ACOT7: variants seen among roughly 807,000 people sequenced by gnomAD.
ACOT7 encodes acyl-CoA thioesterase 7, also known as cytosolic acyl coenzyme A thioester hydrolase.
Under a neutral mutation model 40.2 loss-of-function variants are expected in ACOT7, and 12 were observed. That is an observed-to-expected ratio of 0.30 (90% CI 0.19 to 0.48). ACOT7 has a LOEUF of 0.48. ACOT7 is among the 20% of genes least tolerant of loss of function. The pLI is 0.99. For synonymous variants in ACOT7, 228 were observed against 219.5 expected (o/e 1.04, Z -0.34); for missense variants, 395 against 530.8 (o/e 0.74, Z 2.51).
intron 1 of ACOT7, among the ~76,000 whole-genome samples, chr1:6,363,371 C>G (rs546081700): frequency 1.1e-4 from 17 of 152,044 alleles, no homozygotes; most frequent in Non-Finnish European, 2.2e-4. Flanking sequence ...CCCTTTCCCC[C>G]GGGGAGTTTA....
chr1:6,313,509 A>G (rs1321315356), intron 6 of ACOT7, among the ~76,000 whole-genome samples: 1 of 152,204 alleles, frequency 6.6e-6, no homozygotes, highest in African/African-American at 2.4e-5. Context: ...TCTAGGCCCC[A>G]TGACAGAGAC....
chr1:6,375,075 A>G (rs1476250224), intron 1 of ACOT7, among the ~76,000 whole-genome samples: 2 of 151,388 alleles, frequency 1.3e-5, no homozygotes, highest in African/African-American at 4.9e-5. Flanking sequence ...CAGGAGATAG[A>G]GACCATCCTG....
chr1:6,303,897 T>C (rs978933685), intron 6 of ACOT7, among the ~76,000 whole-genome samples: 9 of 152,116 alleles, frequency 5.9e-5, no homozygotes, highest in Non-Finnish European at 1.0e-4. Flanking sequence ...TTACATTCTA[T>C]AGAGTCTGAA....
Position 6,330,240 on chromosome 1 carries a change from A to T in ACOT7, c.511-2827T>A, listed in dbSNP as rs1425864917. On this transcript the variant is annotated intron_variant, in intron 4 of 8. Coordinates refer to ENST00000361521, the MANE Select transcript of ACOT7 (RefSeq NM_007274.4). The surrounding 1 kb of genome is among the most constrained non-coding windows in gnomAD (Gnocchi z 4.6). Reference sequence around the variant, plus strand: ...GTCAGCGGGAGCATGCTCATGCAATATAAGACAGCCCTGTGGCCAGGCCAC... The same window carrying T: ...GTCAGCGGGAGCATGCTCATGCAATTTAAGACAGCCCTGTGGCCAGGCCAC... 6.6e-6 allele frequency among the ~76,000 whole-genome samples: 1 copy of T among 152,240 alleles called. No individual in the cohort carries two copies. Among genetic ancestry groups the T allele is most frequent in the East Asian group, 1.9e-4 (1 of 5,196 alleles).
chr1:6,318,529 C>T lies in ACOT7; in HGVS notation c.675G>A (p.Gly225=), dbSNP rs777603203. The T allele has an allele frequency of 5.0e-6, 8 of 1,614,162 alleles. No individual in the cohort carries two copies. In the South Asian group the frequency reaches 7.7e-5, roughly 16 times the overall value. The change falls in exon 6 of 9, where the codon GGG becomes GGA. Residue 225 remains glycine, a synonymous_variant. Coordinates refer to ENST00000361521, the MANE Select transcript of ACOT7 (RefSeq NM_007274.4). ...YSQSSLIHLV[G]PSDCTLHGFV... Reference sequence around the variant, plus strand: ...AGCCGTGCAGGGTGCAGTCTGAAGGCCCCACCAGGTGGATCAAGCTGGACT... The same window carrying T: ...AGCCGTGCAGGGTGCAGTCTGAAGGTCCCACCAGGTGGATCAAGCTGGACT...
rs546911230 is a variant in ACOT7, at chr1:6,368,520, C to T, written c.144-18654G>A. On this transcript the variant is annotated intron_variant, in intron 1 of 8. Transcript: ENST00000361521. ...CCTTGGGGCCCCTCTCTGCCCGCAC[C>T]TCCATGCCCAATCATGCTGCTTCCC... is the stretch of plus-strand genomic sequence containing the variant. Among the ~76,000 whole-genome samples, 6 of 152,310 alleles carry T rather than the reference C, an allele frequency of 3.9e-5. No homozygotes were observed. The South Asian group carries it at 1.2e-3, about 32-fold the overall frequency.
intron 3 of ACOT7, among the ~76,000 whole-genome samples, chr1:6,336,767 C>T (rs1268103429): frequency 1.3e-5 from 2 of 151,918 alleles, no homozygotes; most frequent in Non-Finnish European, 2.9e-5. Context: ...TTGGGGCCTT[C>T]GAGTTCAATT....
chr1:6,332,253 C>T (rs750808898), intron 4 of ACOT7, among the ~76,000 whole-genome samples: 9 of 152,192 alleles, frequency 5.9e-5, no homozygotes, highest in Non-Finnish European at 4.4e-5. Flanking sequence ...ATCCTGGTTC[C>T]TTCCCTCTAA....
At chr1:6,287,502 T>G (rs1639537341) in intron 7 of ACOT7, among the ~76,000 whole-genome samples, 1 of 152,262 alleles carries the variant, frequency 6.6e-6, no homozygotes, top group African/African-American at 2.4e-5. Context: ...GCACAATGCC[T>G]GGCATCAAGT....
chr1:6,310,527 G>A (rs1640302030), intron 6 of ACOT7, among the ~76,000 whole-genome samples: 1 of 152,226 alleles, frequency 6.6e-6, no homozygotes. Context: ...CAGGGACATG[G>A]GTGGGAGATT....
At chr1:6,370,446 G>A (rs1043662744) in intron 1 of ACOT7, among the ~76,000 whole-genome samples, 1 of 149,334 alleles carries the variant, frequency 6.7e-6, no homozygotes, top group African/African-American at 2.5e-5. Context: ...TATTGTCAAT[G>A]AGCAGTGTTA....
At chr1:6,349,949 C>A in intron 1 of ACOT7, 83 bp from the exon 2 acceptor site, 1 of 1,331,406 alleles carries the variant, frequency 7.5e-7, no homozygotes, top group African/African-American at 1.4e-5. Context: ...GGGAGAAGGT[C>A]CCCAAAGGGC....
chr1:6,291,529 C>T (rs1639663459), intron 7 of ACOT7, among the ~76,000 whole-genome samples: 1 of 152,192 alleles, frequency 6.6e-6, no homozygotes, highest in African/African-American at 2.4e-5. Flanking sequence ...CTGAGCCCAC[C>T]AGAAAGCAAT....
rs1571293590 is a variant in ACOT7 at position 6,307,780 on chromosome 1, C to T, written c.712+10712G>A. ...GGGAACTGCAACCAGGCAGAGGGAA[C>T]CGCAGCAGGCAGAAGGAACAGCCAC... On this transcript the variant is annotated intron_variant, in intron 6 of 8. Transcript: ENST00000361521. 5.3e-5 allele frequency among the ~76,000 whole-genome samples: 8 copies of T among 151,914 alleles called. No individual in the cohort carries two copies. The South Asian group carries it at 1.7e-3, about 32-fold the overall frequency.
chr1:6,320,872 C>T (rs187647509), intron 5 of ACOT7, among the ~76,000 whole-genome samples: 96 of 152,390 alleles, frequency 6.3e-4, no homozygotes, highest in Non-Finnish European at 5.3e-4. Flanking sequence ...ATGCAGTCTT[C>T]TCCATCGTGT....
chr1:6,318,390 A>G, intron 6 of ACOT7, 102 bp downstream of exon 6: 3 of 1,320,806 alleles, frequency 2.3e-6, no homozygotes, highest in Non-Finnish European at 3.2e-6. Flanking sequence ...GTACTTCACC[A>G]AACACAAGAG....
At chr1:6,346,205 G>A (rs995850136) in intron 2 of ACOT7, among the ~76,000 whole-genome samples, 1 of 152,222 alleles carries the variant, frequency 6.6e-6, no homozygotes, top group African/African-American at 2.4e-5. Context: ...GGGCTCAGGT[G>A]ATCCTGCTGC....
In ACOT7 at chr1:6,281,080, C is replaced by T. The variant is rs374639391; in HGVS notation, c.1014+22G>A. The T allele has an allele frequency of 3.4e-5, 55 of 1,609,290 alleles. No individual in the cohort carries two copies. In the African/African-American group the frequency reaches 4.5e-4, roughly 13 times the overall value. On this transcript the variant is annotated intron_variant, in intron 8 of 8. Coordinates refer to ENST00000361521, the MANE Select transcript of ACOT7 (RefSeq NM_007274.4). ...GGGCTGCCTGGCAGGGAGGGGCCGCCGTTCCAAGGATGCGCACTCACCACC... is the reference window on the plus strand; with the variant it reads ...GGGCTGCCTGGCAGGGAGGGGCCGCTGTTCCAAGGATGCGCACTCACCACC...
At chr1:6,389,301 T>C (rs1557677591) in intron 1 of ACOT7, among the ~76,000 whole-genome samples, 1 of 152,052 alleles carries the variant, frequency 6.6e-6, no homozygotes, top group Non-Finnish European at 1.5e-5. Context: ...CTTGTAGATT[T>C]CACACATCTA....
Sources: gnomAD v4.1 joint callset for allele counts (sites outside exome capture counted in the v4.1 genomes callset) on GRCh38, gnomAD v4.1.1 for gene constraint, Gnocchi (gnomAD v3.1) non-coding constraint, MANE v1.5 for transcripts, NCBI Gene and HGNC (gene_info 2026-07-23, HGNC 2026-07-21) for gene names.